Variants in SH3BP2 observed in about 807,000 individuals in gnomAD.
SH3BP2 encodes SH3 domain-binding protein 2.
SH3BP2 carries 38 observed loss-of-function variants against 56.2 expected under a neutral mutation model. The ratio of observed to expected loss-of-function variants is 0.68; its 90% CI spans 0.52 to 0.89. SH3BP2 has a LOEUF of 0.89. Among genes scored for constraint, SH3BP2 ranks in the 40% least tolerant of loss-of-function variants. SH3BP2 has a pLI of 0.00. For synonymous variants in SH3BP2, 346 were observed against 316.7 expected (o/e 1.09, Z -0.98); for missense variants, 748 against 762.6 (o/e 0.98, Z 0.23).
In SH3BP2 at chr4:2,822,790, A is replaced by G. The variant is rs192075272; in HGVS notation, c.137-145A>G. The G allele has an allele frequency of 5.6e-5, 39 of 693,632 alleles. No homozygotes were observed. In the African/African-American group the frequency reaches 6.0e-4, roughly 11 times the overall value. 43.0% of individuals were successfully genotyped at this position (693,632 alleles called of 1,614,324 possible). ...AGTGGGCTCCTGGGGAGGGGGCAGC[A>G]TGCCAGCCTTGCTCCCTGCTCTTCC... is the stretch of plus-strand genomic sequence containing the variant. On this transcript the variant is annotated intron_variant, in intron 2 of 12. Coordinates refer to ENST00000503393, the MANE Select transcript of SH3BP2 (RefSeq NM_001122681.2).
At chr4:2,805,080 C>T (rs898160767) in intron 1 of SH3BP2, among the ~76,000 whole-genome samples, 2 of 152,212 alleles carry the variant, frequency 1.3e-5, no homozygotes, top group Admixed American at 1.3e-4. Flanking sequence ...AACCTTCACA[C>T]CCACTGTGCC....
At chr4:2,812,577 C>T (rs534038361) in intron 1 of SH3BP2, 21 of 1,421,762 alleles carry the variant, frequency 1.5e-5, no homozygotes, top group East Asian at 5.0e-5. Flanking sequence ...CAGCCTTCCT[C>T]GGGGCTGGCC....
intron 5 of SH3BP2, among the ~76,000 whole-genome samples, chr4:2,825,410 C>T (rs1389705499): frequency 5.4e-5 from 8 of 148,154 alleles, no homozygotes; most frequent in Admixed American, 2.0e-4. Flanking sequence ...GAGCGACACG[C>T]GGACACGCAC....
At chr4:2,814,097 G>T (rs1039935610) in intron 1 of SH3BP2, among the ~76,000 whole-genome samples, 1 of 152,222 alleles carries the variant, frequency 6.6e-6, no homozygotes, top group African/African-American at 2.4e-5. Flanking sequence ...CAGCCTCCCA[G>T]AGCCCCCACC....
chr4:2,799,268 G>T lies in SH3BP2; in HGVS notation c.-5+6130G>T, dbSNP rs185596788. The T allele has an allele frequency of 2.0e-3, 1,964 of 985,438 alleles. 4 individuals are homozygous for T. The highest frequency in any genetic ancestry group is 2.4e-3 in the Admixed American group (39 of 16,278). 61.0% of individuals were successfully genotyped at this position (985,438 alleles called of 1,614,324 possible). A position where few individuals can be genotyped will look rare whatever the true frequency, so the allele number is the denominator to read the frequency against. On this transcript the variant is annotated intron_variant, in intron 1 of 12. Transcript: ENST00000503393. ...GGGACCCTCACCGCGACTGGACTTCGCTCAGCTTCAGACCCTGGGCTGCAG... is the reference window on the plus strand; with the variant it reads ...GGGACCCTCACCGCGACTGGACTTCTCTCAGCTTCAGACCCTGGGCTGCAG...
Position 2,810,614 on chromosome 4 carries a change from C to T in SH3BP2, c.-4-10000C>T, listed in dbSNP as rs1245661446. ...TTGGCCACCTCATTGCCTGTGGATTCCTCCCAACCCTGGGGTGTGCTCACC... is the reference window on the plus strand; with the variant it reads ...TTGGCCACCTCATTGCCTGTGGATTTCTCCCAACCCTGGGGTGTGCTCACC... On this transcript the variant is annotated intron_variant, in intron 1 of 12. Coordinates refer to ENST00000503393, the MANE Select transcript of SH3BP2 (RefSeq NM_001122681.2). This position sits in a 1 kb window ranked among gnomAD's most constrained non-coding sequence, Gnocchi z 4.2. Among the ~76,000 whole-genome samples, 5 of 151,878 alleles carry T rather than the reference C, an allele frequency of 3.3e-5. No individual in the cohort carries two copies. The highest frequency in any genetic ancestry group is 2.1e-4 in the South Asian group (1 of 4,814).
At chr4:2,815,302 C>T (rs889956113) in intron 1 of SH3BP2, among the ~76,000 whole-genome samples, 1 of 152,218 alleles carries the variant, frequency 6.6e-6, no homozygotes, top group Non-Finnish European at 1.5e-5. Context: ...ATGGCCCCTC[C>T]TCTGGAGAGG....
At chr4:2,833,286 A>G (rs1577373109) in intron 12 of SH3BP2, 2 of 601,500 alleles carry the variant, frequency 3.3e-6, no homozygotes, top group South Asian at 2.0e-5. Flanking sequence ...TCAGCCATAG[A>G]CCCTGGGTTG....
intron 1 of SH3BP2, among the ~76,000 whole-genome samples, chr4:2,816,540 A>G (rs1256218890): frequency 1.3e-5 from 2 of 152,066 alleles, no homozygotes; most frequent in African/African-American, 2.4e-5. Flanking sequence ...TGGGGGAAAA[A>G]CTTTCAGTCT....
intron 1 of SH3BP2, among the ~76,000 whole-genome samples, chr4:2,806,333 T>G (rs966349773): frequency 6.6e-6 from 1 of 151,652 alleles, no homozygotes; most frequent in Non-Finnish European, 1.5e-5. Context: ...CGAGGCAGGG[T>G]GGGGAGGAGG....
chr4:2,825,330 G>A, intron 5 of SH3BP2, 134 bp downstream of exon 5: 1 of 743,514 alleles, frequency 1.3e-6, no homozygotes, highest in Non-Finnish European at 2.4e-6. Context: ...TGCCAGCTGG[G>A]CTGCGTCTCT....
chr4:2,799,902 G>C (rs1248786654), intron 1 of SH3BP2, among the ~76,000 whole-genome samples: 1 of 152,186 alleles, frequency 6.6e-6, no homozygotes, highest in African/African-American at 2.4e-5. Context: ...CTAGAGAGGT[G>C]GGGCCCGAGG....
At chr4:2,825,413 A>G (rs1019517695) in intron 5 of SH3BP2, among the ~76,000 whole-genome samples, 11 of 147,912 alleles carry the variant, frequency 7.4e-5, no homozygotes, top group African/African-American at 2.9e-4. Context: ...CGACACGCGG[A>G]CACGCACACA....
chr4:2,811,474 G>C (rs1464124999), intron 1 of SH3BP2, among the ~76,000 whole-genome samples: 5 of 152,208 alleles, frequency 3.3e-5, no homozygotes, highest in Non-Finnish European at 7.3e-5. Context: ...TCTGGGAGGA[G>C]AGGGAGGGCG....
chr4:2,801,031 G>A (rs1440995386), intron 1 of SH3BP2, among the ~76,000 whole-genome samples: 3 of 124,062 alleles, frequency 2.4e-5, no homozygotes, highest in Non-Finnish European at 5.7e-5. Context: ...CCTGGCCTTG[G>A]GAAGGGGGCT....
intron 1 of SH3BP2, chr4:2,796,758 C>T (rs1467318012): frequency 6.6e-6 from 1 of 152,354 alleles, no homozygotes; most frequent in East Asian, 1.9e-4. Context: ...CTGCTCAAGC[C>T]TGCAGAGGGA....
rs114934748 is a variant in SH3BP2, at chr4:2,832,867, G to A, written c.1489-123G>A. ...TGCAGGTGGTCTGGAGTCCCTCCCC[G>A]CCCCCCGAGGGCCACAGGACCCAGC... is the stretch of plus-strand genomic sequence containing the variant. On this transcript the variant is annotated intron_variant, in intron 11 of 12. Transcript: ENST00000503393. 1.0e-3 allele frequency: 1,014 copies of A among 970,300 alleles called. 1 individual carries two copies. In the African/African-American group the frequency reaches 0.011, roughly 10 times the overall value. 60.1% of individuals were successfully genotyped at this position (970,300 alleles called of 1,614,324 possible). A position where few individuals can be genotyped will look rare whatever the true frequency, so the allele number is the denominator to read the frequency against.
intron 1 of SH3BP2, chr4:2,812,014 C>T (rs1340706395): frequency 2.5e-6 from 1 of 402,588 alleles, no homozygotes; most frequent in Non-Finnish European, 4.4e-6. Context: ...TCAGAGGTGG[C>T]CCTGCGGGGA....
At chr4:2,795,047 ACCTGAGGGCT>A (rs1723016866) in intron 1 of SH3BP2, among the ~76,000 whole-genome samples, 1 of 152,056 alleles carries the variant, frequency 6.6e-6, no homozygotes, top group Non-Finnish European at 1.5e-5. Flanking sequence ...CTCATCCATG[ACCTGAGGGCT>A]GTGAAGCACT....
Sources: gnomAD v4.1 joint callset for allele counts (sites outside exome capture counted in the v4.1 genomes callset) on GRCh38, gnomAD v4.1.1 for gene constraint, Gnocchi (gnomAD v3.1) non-coding constraint, MANE v1.5 for transcripts, NCBI Gene and HGNC (gene_info 2026-07-23, HGNC 2026-07-21) for gene names.